Variants in MED12L observed in about 807,000 individuals in gnomAD.
MED12L encodes the protein mediator complex subunit 12L, also known as mediator of RNA polymerase II transcription subunit 12-like protein.
MED12L carries 60 observed loss-of-function variants against 281.3 expected under a neutral mutation model. The ratio of observed to expected loss-of-function variants is 0.21; its 90% CI spans 0.17 to 0.26. MED12L has a LOEUF of 0.26. Among genes scored for constraint, MED12L ranks in the 10% least tolerant of loss-of-function variants. The pLI is 1.00. For synonymous variants in MED12L, 974 were observed against 987.2 expected (o/e 0.99, Z 0.25); for missense variants, 2,146 against 2,680.9 (o/e 0.80, Z 4.41).
At chr3:151,265,441 T>A (rs1577174307) in intron 16 of MED12L, among the ~76,000 whole-genome samples, 1 of 152,220 alleles carries the variant, frequency 6.6e-6, no homozygotes, top group African/African-American at 2.4e-5. Flanking sequence ...TCTGCTTCTT[T>A]ACTCTTATAT....
chr3:151,376,698 T>C (rs1756896733), intron 28 of MED12L, 102 bp from the exon 29 acceptor site: 1 of 946,360 alleles, frequency 1.1e-6, no homozygotes, highest in Non-Finnish European at 1.7e-6. Flanking sequence ...TCATTGTGTA[T>C]GATTATTCTG....
chr3:151,232,170 C>T (rs1332695882), intron 16 of MED12L, among the ~76,000 whole-genome samples: 1 of 152,056 alleles, frequency 6.6e-6, no homozygotes, highest in Non-Finnish European at 1.5e-5. Context: ...GTTTCTTGTT[C>T]TATTCTTGGC....
At chr3:151,234,948 T>G (rs946442823) in intron 16 of MED12L, among the ~76,000 whole-genome samples, 12 of 152,348 alleles carry the variant, frequency 7.9e-5, no homozygotes, top group African/African-American at 2.6e-4. Context: ...CCAGCGAACT[T>G]TCTTCTATCT....
chr3:151,134,188 GTT>G (rs3069372), intron 5 of MED12L, among the ~76,000 whole-genome samples: 7,598 of 129,184 alleles, frequency 0.059, 382 homozygotes, highest in East Asian at 0.18. Context: ...TTGTGGGGTT[GTT>G]TTTTTTTTTT....
At position 151,122,967 on chromosome 3, in the gene MED12L, C is replaced by T; in HGVS notation, c.389C>T (p.Ala130Val). 6.3e-7 allele frequency: 1 copy of T among 1,593,488 alleles called. No homozygotes were observed. Among genetic ancestry groups the T allele is most frequent in the Non-Finnish European group, 8.5e-7 (1 of 1,171,682 alleles). ...LAGNKPLSIL[A>V]KKVPILSKKE... ...GGAAATAAGCCACTTTCTATTTTGG[C>T]AAAAAAGGTATCAAATATTTCTTAC... Residue 130 changes from alanine to valine, a missense_variant, in exon 4 of 45, where the codon GCA becomes GTA. By Grantham distance (64) the Ala-to-Val change is moderately conservative (BLOSUM62 0). Around this residue, in one of 9 missense-constraint regions of MED12L, gnomAD observed 722 missense variants for 861.2 expected, o/e 0.84. Coordinates refer to ENST00000687756, the MANE Select transcript of MED12L (RefSeq NM_001393769.1).
chr3:151,328,963 G>A, intron 16 of MED12L: 2 of 1,613,184 alleles, frequency 1.2e-6, no homozygotes, highest in Non-Finnish European at 1.7e-6. Context: ...GCTCAGATCT[G>A]TTGAAGCCTT....
At chr3:151,179,195 C>G (rs1019486780) in intron 11 of MED12L, among the ~76,000 whole-genome samples, 1 of 152,038 alleles carries the variant, frequency 6.6e-6, no homozygotes. Context: ...CAAAAATTAG[C>G]CAGGCGAGGT....
chr3:151,355,770 G>A (rs1305333709), intron 18 of MED12L, 126 bp from the exon 19 acceptor site: 12 of 707,952 alleles, frequency 1.7e-5, no homozygotes, highest in Middle Eastern at 4.2e-4. Flanking sequence ...ATAGAAACAC[G>A]TTTTGACTTT....
chr3:151,337,821 A>G, intron 16 of MED12L: 1 of 1,613,784 alleles, frequency 6.2e-7, no homozygotes, highest in Non-Finnish European at 8.5e-7. Context: ...ATTTGTTTAC[A>G]TTGGAGTCTC....
At chr3:151,384,647 C>A in intron 35 of MED12L, 1 of 192,414 alleles carries the variant, frequency 5.2e-6, no homozygotes, top group South Asian at 1.3e-4. Context: ...AAAAAAGAAA[C>A]CAAATAAATC....
At position 151,190,818 on chromosome 3, in the gene MED12L, T is replaced by C. The variant is rs780329631; in HGVS notation, c.1855T>C (p.Cys619Arg). 6.2e-7 allele frequency: 1 copy of C among 1,614,214 alleles called. No individual in the cohort carries two copies. The highest frequency in any genetic ancestry group is 1.1e-5 in the South Asian group (1 of 91,082). Residue 619 changes from cysteine to arginine, a missense_variant, in exon 14 of 45, where the codon TGT becomes CGT. Physicochemically the swap from Cys to Arg is radical, Grantham distance 180 (BLOSUM62 -3). Transcript: ENST00000687756. Reference sequence around the variant, plus strand: ...TGTCTTCTCCCATGACGCATACATGTGTACCCTCATATCTCGAGGAGATTT... The same window carrying C: ...TGTCTTCTCCCATGACGCATACATGCGTACCCTCATATCTCGAGGAGATTT... ...HDVFSHDAYM[C>R]TLISRGDLSV...
intron 42 of MED12L, 21 bp from the exon 43 acceptor site, chr3:151,416,291 A>G: frequency 1.2e-6 from 2 of 1,612,596 alleles, no homozygotes; most frequent in Non-Finnish European, 8.5e-7. Flanking sequence ...TAAGTGTATA[A>G]CATTTTTACC....
Position 151,127,960 on chromosome 3 carries a change from C to T in MED12L, c.532C>T (p.Arg178Cys), listed in dbSNP as rs1056515630. The change falls in exon 5 of 45, where the codon CGT becomes TGT. Residue 178 changes from arginine to cysteine, a missense_variant. Transcript: ENST00000687756. ...SAISEAKIKKRQAPDPNLEWT... is the reference protein window; with the variant it reads ...SAISEAKIKKCQAPDPNLEWT... ...TATATCTGAAGCTAAAATTAAGAAA[C>T]GTCAGGCTCCTGATCCGAATTTGGG... The T allele has an allele frequency of 6.2e-7, 1 of 1,612,594 alleles. No homozygotes were observed. Among genetic ancestry groups the T allele is most frequent in the Non-Finnish European group, 8.5e-7 (1 of 1,179,588 alleles).
intron 12 of MED12L, among the ~76,000 whole-genome samples, chr3:151,186,136 G>A (rs1421399345): frequency 2.0e-5 from 3 of 152,194 alleles, no homozygotes; most frequent in Non-Finnish European, 2.9e-5. Flanking sequence ...AGCCTTGGAA[G>A]TAAATTATAA....
chr3:151,310,799 A>T (rs1747395905), intron 16 of MED12L, among the ~76,000 whole-genome samples: 1 of 152,234 alleles, frequency 6.6e-6, no homozygotes, highest in African/African-American at 2.4e-5. Context: ...CAGAAAGATT[A>T]TAAATAAATA....
At chr3:151,139,152 G>T (rs1716570029) in intron 5 of MED12L, among the ~76,000 whole-genome samples, 1 of 152,054 alleles carries the variant, frequency 6.6e-6, no homozygotes, top group African/African-American at 2.4e-5. Flanking sequence ...TTTCAGCTGT[G>T]TCCTGTGTCC....
intron 16 of MED12L, among the ~76,000 whole-genome samples, chr3:151,250,467 C>T (rs1357912849): frequency 1.3e-5 from 2 of 152,168 alleles, no homozygotes; most frequent in African/African-American, 4.8e-5. Flanking sequence ...CTGGTAACTA[C>T]TGTTCTTCTC....
At chr3:151,401,482 T>C (rs1462360538) in intron 39 of MED12L, among the ~76,000 whole-genome samples, 2 of 152,204 alleles carry the variant, frequency 1.3e-5, no homozygotes, top group African/African-American at 2.4e-5. Context: ...ACCTTATTTT[T>C]CTCAATCAGA....
chr3:151,215,919 G>T (rs1728131161), intron 16 of MED12L, among the ~76,000 whole-genome samples: 1 of 152,116 alleles, frequency 6.6e-6, no homozygotes, highest in Non-Finnish European at 1.5e-5. Context: ...CATTTGTGTG[G>T]AAAACTGTTT....
Sources: allele counts gnomAD v4.1 joint callset (sites outside exome capture counted in the v4.1 genomes callset), GRCh38; gene constraint gnomAD v4.1.1; regional missense constraint gnomAD v4.1.1; transcripts MANE v1.5; gene names NCBI Gene and HGNC (gene_info 2026-07-23, HGNC 2026-07-21).